The following ADCY7 variants were observed in gnomAD, a reference collection of about 807,000 sequenced individuals.
ADCY7 encodes adenylate cyclase type 7.
ADCY7 carries 72 observed loss-of-function variants against 120.6 expected under a neutral mutation model. The observed-to-expected ratio is 0.60, with a 90% CI of 0.49 to 0.73. The LOEUF (loss-of-function observed/expected upper bound fraction) is 0.73, where lower values mean the gene tolerates loss of function less well. Ranked by LOEUF, ADCY7 falls within the 30% of genes least tolerant of loss-of-function variation. ADCY7 has a pLI of 0.00. For missense variants in ADCY7, 1,227 were observed against 1,486.0 expected (o/e 0.83, Z 2.87); for synonymous variants, 661 against 628.0 (o/e 1.05, Z -0.78).
upstream of ADCY7, among the ~76,000 whole-genome samples, chr16:50,262,775 G>A (rs34537678): frequency 0.4 from 60,474 of 152,094 alleles, 12,480 homozygotes; most frequent in Admixed American, 0.46. Context: ...AGAGGGACAG[G>A]AAAGGATTGG....
At chr16:50,247,790 GC>G (rs1407257364) in intron 1 of ADCY7, among the ~76,000 whole-genome samples, 1 of 152,144 alleles carries the variant, frequency 6.6e-6, no homozygotes, top group Non-Finnish European at 1.5e-5. Context: ...GTGTTCTAAA[GC>G]TGCCTCTCCT....
chr16:50,293,842 T>A (rs1327662536), intron 6 of ADCY7, among the ~76,000 whole-genome samples: 3 of 152,208 alleles, frequency 2.0e-5, no homozygotes, highest in Non-Finnish European at 2.9e-5. Context: ...ACCCCCAGAA[T>A]GAGGTAAAGC....
In ADCY7 at chr16:50,290,693, G is replaced by A. The variant is rs372864053; in HGVS notation, c.375+33G>A. 33 of 1,591,252 alleles carry A rather than the reference G, an allele frequency of 2.1e-5. No individual in the cohort carries two copies. In the African/African-American group the frequency reaches 2.5e-4, roughly 12 times the overall value. ...GAACTCTGGACTCCCTGCCAGCTGC[G>A]CCTTCAGCAGCTCCCATCCCCGTGG... On this transcript the variant is annotated intron_variant, in intron 3 of 25. Coordinates refer to ENST00000673801, the MANE Select transcript of ADCY7 (RefSeq NM_001114.5).
chr16:50,280,450 C>G (rs960340908), intron 1 of ADCY7, among the ~76,000 whole-genome samples: 2 of 149,856 alleles, frequency 1.3e-5, no homozygotes, highest in Non-Finnish European at 3.0e-5. Context: ...TTCAGTTCAG[C>G]TCTGATTTTT....
intron 8 of ADCY7, among the ~76,000 whole-genome samples, chr16:50,299,423 A>G (rs2035569015): frequency 6.6e-6 from 1 of 152,174 alleles, no homozygotes; most frequent in Non-Finnish European, 1.5e-5. Context: ...CCCAGTGAAG[A>G]TCCTGGAGTC....
At chr16:50,249,451 C>A (rs977587291) in intron 1 of ADCY7, among the ~76,000 whole-genome samples, 8 of 151,692 alleles carry the variant, frequency 5.3e-5, no homozygotes, top group Non-Finnish European at 7.4e-5. Flanking sequence ...TCTAAAACAA[C>A]AACAACAACA....
chr16:50,276,882 A>G (rs577399595), intron 1 of ADCY7, among the ~76,000 whole-genome samples: 24 of 152,240 alleles, frequency 1.6e-4, no homozygotes, highest in Non-Finnish European at 3.2e-4. Context: ...GCATGAGCCA[A>G]TGTACCTGGC....
chr16:50,307,001 G>T, intron 14 of ADCY7, 49 bp from the exon 15 acceptor site: 2 of 1,464,792 alleles, frequency 1.4e-6, no homozygotes, highest in Non-Finnish European at 9.4e-7. Flanking sequence ...GGCAGGGTGG[G>T]CAAGTGGCAC....
upstream of ADCY7, chr16:50,266,461 CTGGGCTG>C (rs995853301): frequency 1.3e-5 from 2 of 156,294 alleles, no homozygotes; most frequent in African/African-American, 4.8e-5. Flanking sequence ...CCCCGAGAGG[CTGGGCTG>C]TGGGCTGTGC....
intron 3 of ADCY7, 105 bp downstream of exon 3, chr16:50,290,765 G>A: frequency 7.9e-7 from 1 of 1,261,684 alleles, no homozygotes; most frequent in Non-Finnish European, 1.1e-6. Flanking sequence ...TTGGCTGTGT[G>A]TCTAGGATGG....
intron 1 of ADCY7, among the ~76,000 whole-genome samples, chr16:50,257,314 G>A (rs372089757): frequency 6.6e-6 from 1 of 152,134 alleles, no homozygotes; most frequent in Non-Finnish European, 1.5e-5. Context: ...GTAGGTAAGG[G>A]GGGCAGGGGT....
At chr16:50,293,326 C>T (rs1360801382) in intron 5 of ADCY7, 28 bp from the exon 6 acceptor site, 1 of 1,605,278 alleles carries the variant, frequency 6.2e-7, no homozygotes, top group Admixed American at 1.7e-5. Context: ...TTGCTGGTCC[C>T]TCTGCTGGTC....
intron 1 of ADCY7, among the ~76,000 whole-genome samples, chr16:50,268,402 G>T (rs980971030): frequency 6.6e-6 from 1 of 151,974 alleles, no homozygotes; most frequent in African/African-American, 2.4e-5. Flanking sequence ...ACCACCCCCA[G>T]CCTCTTTTCT....
At chr16:50,255,402 G>GAAAAAAAAAAAAAA (rs60335173) in intron 1 of ADCY7, among the ~76,000 whole-genome samples, 6 of 108,130 alleles carry the variant, frequency 5.5e-5, no homozygotes, top group African/African-American at 2.2e-4. Context: ...TCTGTTTCTG[G>GAAAAAAAAAAAAAA]AAAAAAAAAA....
upstream of ADCY7, among the ~76,000 whole-genome samples, chr16:50,261,922 G>A (rs1475034519): frequency 5.9e-5 from 9 of 152,198 alleles, no homozygotes; most frequent in African/African-American, 1.9e-4. Flanking sequence ...CTGTGGCATG[G>A]ACGGTGGTTT....
At position 50,271,947 on chromosome 16, in the gene ADCY7, C is replaced by T. The variant is rs80246547; in HGVS notation, c.-269+5267C>T. 9.1e-3 allele frequency among the ~76,000 whole-genome samples: 1,382 copies of T among 152,298 alleles called. 27 individuals are homozygous for T. Among genetic ancestry groups the T allele is most frequent in the African/African-American group, 0.032 (1,322 of 41,554 alleles). ...CGCCGGGATACCCTCTTCTCACCAT[C>T]CTCCCTTTATGTCCCTGTTTCCCCC... On this transcript the variant is annotated intron_variant, in intron 1 of 25. Coordinates refer to ENST00000673801, the MANE Select transcript of ADCY7 (RefSeq NM_001114.5).
upstream of ADCY7, among the ~76,000 whole-genome samples, chr16:50,264,346 A>G (rs1375470351): frequency 6.6e-6 from 1 of 152,232 alleles, no homozygotes; most frequent in Non-Finnish European, 1.5e-5. Flanking sequence ...GTGTGAATAT[A>G]TGAAAATTTG....
At chr16:50,298,465 A>G (rs2035499724) in intron 7 of ADCY7, among the ~76,000 whole-genome samples, 1 of 152,060 alleles carries the variant, frequency 6.6e-6, no homozygotes, top group Non-Finnish European at 1.5e-5. Flanking sequence ...CTTAGCCCCC[A>G]TCACAGCTGG....
intron 14 of ADCY7, 87 bp downstream of exon 14, chr16:50,305,936 G>T (rs1048144876): frequency 1.5e-6 from 2 of 1,364,464 alleles, no homozygotes; most frequent in Non-Finnish European, 1.0e-6. Flanking sequence ...GGGGCAGCCT[G>T]CGTTCCCAAG....
Sources: allele counts gnomAD v4.1 joint callset (sites outside exome capture counted in the v4.1 genomes callset), GRCh38; gene constraint gnomAD v4.1.1; transcripts MANE v1.5; gene names NCBI Gene and HGNC (gene_info 2026-07-23, HGNC 2026-07-21).